The following CYP2F1 variants were observed in gnomAD, a reference collection of about 807,000 sequenced individuals.
CYP2F1 encodes cytochrome P450 2F1.
In CYP2F1, 33 loss-of-function variants were observed where a neutral mutation model predicts 40.4. The ratio of observed to expected loss-of-function variants is 0.82; its 90% CI spans 0.62 to 1.09. The LOEUF is 1.09. CYP2F1 is among the 50% of genes least tolerant of loss of function. CYP2F1 has a pLI of 0.00. For synonymous variants in CYP2F1, 235 were observed against 277.2 expected (o/e 0.85, Z 1.51); for missense variants, 566 against 655.7 (o/e 0.86, Z 1.49).
rs753591815 is a variant in CYP2F1 at position 41,122,083 on chromosome 19, C to T, written c.772C>T (p.Pro258Ser). The T allele has an allele frequency of 1.9e-6, 3 of 1,579,246 alleles. No individual in the cohort carries two copies. The highest frequency in any genetic ancestry group is 2.2e-5 in the East Asian group (1 of 44,554). ...SVHDHQASLD[P>S]RSPRDFIQCF... ...CCACGACCACCAGGCCTCGCTAGAC[C>T]CCAGATCTCCCCGGGACTTCATCCA... is the stretch of plus-strand genomic sequence containing the variant. Residue 258 changes from proline to serine, a missense_variant, in exon 6 of 10, where the codon CCC (proline) becomes TCC (serine). Physicochemically the swap from Pro to Ser is moderately conservative, Grantham distance 74 (BLOSUM62 -1). Transcript: ENST00000331105.
At chr19:41,119,441 C>T (rs184613379) in intron 3 of CYP2F1, among the ~76,000 whole-genome samples, 518 of 151,596 alleles carry the variant, frequency 3.4e-3, no homozygotes, top group Non-Finnish European at 5.9e-3. Context: ...GGTGAAACCT[C>T]ATCTCTATTA....
intron 7 of CYP2F1, among the ~76,000 whole-genome samples, chr19:41,124,436 C>T (rs2032427682): frequency 6.6e-6 from 1 of 151,654 alleles, no homozygotes; most frequent in Non-Finnish European, 1.5e-5. Flanking sequence ...GCTAATTTTT[C>T]TATTTTGTTG....
In CYP2F1 at chr19:41,128,138, C is replaced by G; in HGVS notation, c.*56C>G. The G allele has an allele frequency of 1.3e-6, 2 of 1,524,940 alleles. No homozygotes were observed. Among genetic ancestry groups the G allele is most frequent in the Non-Finnish European group, 1.8e-6 (2 of 1,127,838 alleles). 94.5% of individuals were successfully genotyped at this position (1,524,940 alleles called of 1,614,324 possible). On this transcript the variant is annotated 3_prime_UTR_variant, in exon 10 of 10. Transcript: ENST00000331105. The stretch of plus-strand genomic sequence containing the variant: ...CGATGAGGCCCGCCCATGCGGGTTG[C>G]TACGTCCCCTTCTTGGTCCACAGTC...
chr19:41,125,244 A>G, intron 8 of CYP2F1: 1 of 629,902 alleles, frequency 1.6e-6, no homozygotes. Flanking sequence ...CAGAAACCCC[A>G]CATCTGTTCC....
At chr19:41,116,899 C>G (rs888194209) in intron 3 of CYP2F1, among the ~76,000 whole-genome samples, 1 of 152,068 alleles carries the variant, frequency 6.6e-6, no homozygotes, top group Non-Finnish European at 1.5e-5. Flanking sequence ...CTATCCCAAC[C>G]GCATCATCAA....
At position 41,127,988 on chromosome 19, in the gene CYP2F1, C is replaced by T. The variant is rs149721874; in HGVS notation, c.1382C>T (p.Pro461Leu). Residue 461 changes from proline (P) to leucine (L), a missense_variant, in exon 10 of 10, where the codon CCG (proline) becomes CTG (leucine). By Grantham distance (98) the Pro-to-Leu change is moderately conservative. Coordinates refer to ENST00000331105, the MANE Select transcript of CYP2F1 (RefSeq NM_000774.5). ...TAILQSFSLQ[P>L]LGAPEDIDLT... is the part of the protein sequence containing the mutation. Reference sequence around the variant, plus strand: ...ATCCTGCAGAGCTTTTCGCTGCAGCCGCTGGGTGCGCCCGAGGACATCGAC... The same window carrying T: ...ATCCTGCAGAGCTTTTCGCTGCAGCTGCTGGGTGCGCCCGAGGACATCGAC... 1.9e-5 allele frequency: 31 copies of T among 1,613,310 alleles called. No homozygotes were observed. The African/African-American group carries it at 2.4e-4, about 13-fold the overall frequency.
intron 3 of CYP2F1, among the ~76,000 whole-genome samples, chr19:41,119,306 T>A (rs1466030756): frequency 6.6e-6 from 1 of 152,118 alleles, no homozygotes; most frequent in African/African-American, 2.4e-5. Context: ...TCTCTCTTAT[T>A]CATGCATTTA....
At chr19:41,122,649 T>C (rs527770090) in intron 6 of CYP2F1, among the ~76,000 whole-genome samples, 173 bp from the exon 7 acceptor site, 6 of 152,082 alleles carry the variant, frequency 3.9e-5, no homozygotes, top group Non-Finnish European at 8.8e-5. Context: ...AAGTTAATTG[T>C]AGGCCCTGCA....
chr19:41,118,260 G>T (rs534919479), intron 3 of CYP2F1, among the ~76,000 whole-genome samples: 54 of 151,434 alleles, frequency 3.6e-4, no homozygotes, highest in Non-Finnish European at 6.6e-4. Flanking sequence ...AAAGGAAAAA[G>T]GAAAGAAGGA....
rs969431210 is a variant in CYP2F1, at chr19:41,122,808, C to T, written c.823-14C>T. ...CCATTCCTGGCTCACATCCCCACCC[C>T]TCTACCAATGCAGGAGAAGGAGGAC... On this transcript the variant is annotated splice_polypyrimidine_tract_variant and intron_variant, in intron 6 of 9. Coordinates refer to ENST00000331105, the MANE Select transcript of CYP2F1 (RefSeq NM_000774.5). 1.2e-5 allele frequency: 18 copies of T among 1,526,384 alleles called. No homozygotes were observed. The highest frequency in any genetic ancestry group is 1.6e-5 in the Non-Finnish European group (18 of 1,136,990). The allele number at this position is 1,526,384 out of a possible 1,614,324, so 94.6% of individuals were successfully genotyped here.
rs1296741491 is a variant in CYP2F1, at chr19:41,120,390, G to A, written c.378G>A (p.Gln126=). The part of the protein sequence containing the change: ...SSGDRWKVLR[Q]FSIQILRNFG... Reference sequence around the variant, plus strand: ...GGGATCGATGGAAGGTCCTGAGACAGTTCTCTATCCAGATTCTACGGAATT... The same window carrying A: ...GGGATCGATGGAAGGTCCTGAGACAATTCTCTATCCAGATTCTACGGAATT... The change falls in exon 4 of 10, where the codon CAG becomes CAA. Residue 126 remains glutamine, a synonymous_variant. Transcript: ENST00000331105. 5 of 1,613,938 alleles carry A rather than the reference G, an allele frequency of 3.1e-6. No individual in the cohort carries two copies. The highest frequency in any genetic ancestry group is 4.2e-6 in the Non-Finnish European group (5 of 1,179,968).
intron 3 of CYP2F1, among the ~76,000 whole-genome samples, chr19:41,117,504 C>T (rs2031892005): frequency 6.6e-6 from 1 of 152,028 alleles, no homozygotes; most frequent in African/African-American, 2.4e-5. Flanking sequence ...TTGAAATTTC[C>T]AGTTCCCAGT....
chr19:41,120,584 C>T (rs748474447), intron 4 of CYP2F1, 88 bp downstream of exon 4: 39 of 1,421,402 alleles, frequency 2.7e-5, no homozygotes, highest in Non-Finnish European at 3.7e-5. Flanking sequence ...TGGGCCCAAA[C>T]CATCCTCCCA....
intron 6 of CYP2F1, 145 bp from the exon 7 acceptor site, chr19:41,122,677 C>T: frequency 1.3e-6 from 1 of 767,288 alleles, no homozygotes. Flanking sequence ...TTTTCCCTGC[C>T]CTGCCCTTCT....
At chr19:41,125,321 A>G in intron 8 of CYP2F1, 172 bp from the exon 9 acceptor site, 2 of 598,172 alleles carry the variant, frequency 3.3e-6, no homozygotes, top group East Asian at 5.6e-5. Context: ...AGCACCCATC[A>G]CTTGGAACCC....
In CYP2F1 at chr19:41,125,571, G is replaced by A. The variant is rs369307205; in HGVS notation, c.1231G>A (p.Glu411Lys). The A allele has an allele frequency of 1.9e-4, 312 of 1,608,930 alleles. 1 individual carries two copies. The highest frequency in any genetic ancestry group is 5.4e-4 in the African/African-American group (40 of 73,604). ...CCTGACGCCCCAGGAGTTCAACCCC[G>A]AGCATTTTTTGGATGCCAATCAGTC... Reference protein sequence around the residue: ...QFLTPQEFNPEHFLDANQSFK... With the variant: ...QFLTPQEFNPKHFLDANQSFK... Residue 411 changes from glutamate (E) to lysine (K), a missense_variant, in exon 9 of 10, where the codon GAG (glutamate) becomes AAG (lysine). Physicochemically the swap from Glu to Lys is moderately conservative, Grantham distance 56. Transcript: ENST00000331105.
chr19:41,120,528 A>T (rs1568378390), intron 4 of CYP2F1, 32 bp downstream of exon 4: 1 of 1,581,962 alleles, frequency 6.3e-7, no homozygotes, highest in Admixed American at 1.9e-5. Flanking sequence ...GCTGGATGGC[A>T]CGATCTTTTT....
At chr19:41,119,723 C>CTATATATATATATATATATATATA (rs1290627675) in intron 3 of CYP2F1, among the ~76,000 whole-genome samples, 1 of 35,804 alleles carries the variant, frequency 2.8e-5, no homozygotes, top group Non-Finnish European at 5.2e-5. Context: ...CTCTCTCTCT[C>CTATATATATATATATATATATATA]TATATATATA....
At chr19:41,119,276 G>C (rs1427423190) in intron 3 of CYP2F1, among the ~76,000 whole-genome samples, 1 of 152,136 alleles carries the variant, frequency 6.6e-6, no homozygotes, top group East Asian at 1.9e-4. Context: ...CAGTGTCCTG[G>C]TGCTTATTTT....
Sources: gnomAD v4.1 joint callset for allele counts (sites outside exome capture counted in the v4.1 genomes callset) on GRCh38, gnomAD v4.1.1 for gene constraint, MANE v1.5 for transcripts, NCBI Gene and HGNC (gene_info 2026-07-23, HGNC 2026-07-21) for gene names.